Variants in NEMP2 observed in about 807,000 individuals in gnomAD.
NEMP2 encodes the protein nuclear envelope integral membrane protein 2.
A neutral mutation model predicts 54.2 loss-of-function variants in NEMP2; 53 were observed. The observed-to-expected ratio is 0.98, with a 90% CI of 0.78 to 1.23. The LOEUF (loss-of-function observed/expected upper bound fraction) is 1.23. NEMP2 is among the 50% of genes most tolerant of loss of function. The probability of loss-of-function intolerance (pLI) is 0.00; values close to 1 mark genes in which losing one functional copy is unlikely to be tolerated. For missense variants in NEMP2, 455 were observed against 511.3 expected, an observed-to-expected ratio of 0.89 and a Z score of 1.06; for synonymous variants, 197 against 190.3, an observed-to-expected ratio of 1.04 and a Z score of -0.29.
At chr2:190,434,182 C>CA in the NEMP2 span, among the ~76,000 whole-genome samples, 91,150 of 129,550 alleles carry the variant, frequency 0.7, 31,151 homozygotes, top group Admixed American at 0.78. The surrounding 1 kb of genome is among the most constrained non-coding windows in gnomAD (Gnocchi z 4.3). Flanking sequence ...CCCTGTCTCT[C>CA]AAAAAAAAAA....
the NEMP2 span, among the ~76,000 whole-genome samples, chr2:190,477,653 A>G: frequency 2.6e-5 from 4 of 152,344 alleles, 1 homozygote; most frequent in Non-Finnish European, 1.5e-5. Context: ...GGGTGCTGAG[A>G]ATGTAATAAA....
At chr2:190,511,315 T>C (rs891934519) in intron 7 of NEMP2, among the ~76,000 whole-genome samples, 5 of 152,040 alleles carry the variant, frequency 3.3e-5, no homozygotes, top group African/African-American at 9.7e-5. Context: ...TTCCACCTAG[T>C]GGTGGTGATT....
At chr2:190,470,565 A>G in the NEMP2 span, among the ~76,000 whole-genome samples, 1 of 152,252 alleles carries the variant, frequency 6.6e-6, no homozygotes, top group African/African-American at 2.4e-5. Context: ...GGTTCAGGAC[A>G]AGATCGCTGG....
the NEMP2 span, among the ~76,000 whole-genome samples, chr2:190,614,634 G>A: frequency 1.9e-4 from 29 of 152,274 alleles, no homozygotes; most frequent in African/African-American, 6.3e-4. The surrounding 1 kb of genome is among the most constrained non-coding windows in gnomAD (Gnocchi z 5.7). Context: ...TCAAGTTTAC[G>A]TGATATGAAA....
At chr2:190,511,533 T>A (rs1690364032) in intron 7 of NEMP2, among the ~76,000 whole-genome samples, 1 of 151,074 alleles carries the variant, frequency 6.6e-6, no homozygotes, top group Non-Finnish European at 1.5e-5. Flanking sequence ...TTGTTTTATT[T>A]ATTTTTTAAA....
the NEMP2 span, among the ~76,000 whole-genome samples, chr2:190,429,412 G>A: frequency 3.3e-5 from 5 of 150,644 alleles, no homozygotes; most frequent in African/African-American, 4.9e-5. Flanking sequence ...TGCAACCTCC[G>A]TCTCCTGGGT....
the NEMP2 span, among the ~76,000 whole-genome samples, chr2:190,475,290 T>C: frequency 6.6e-6 from 1 of 152,202 alleles, no homozygotes; most frequent in Non-Finnish European, 1.5e-5. Context: ...TGTTTGCAGA[T>C]GACATGATTG....
the NEMP2 span, among the ~76,000 whole-genome samples, chr2:190,492,255 T>C: frequency 1.3e-5 from 2 of 152,172 alleles, no homozygotes; most frequent in Non-Finnish European, 2.9e-5. This position sits in a 1 kb window ranked among gnomAD's most constrained non-coding sequence, Gnocchi z 5.2. Flanking sequence ...CAAGGAAAAC[T>C]TGCTAGAGAC....
the NEMP2 span, among the ~76,000 whole-genome samples, chr2:190,543,471 G>A: frequency 6.6e-6 from 1 of 152,168 alleles, no homozygotes; most frequent in Non-Finnish European, 1.5e-5. This position sits in a 1 kb window ranked among gnomAD's most constrained non-coding sequence, Gnocchi z 4.7. Flanking sequence ...GGGTTCCCTG[G>A]CAGGAGTCCT....
chr2:190,440,294 C>CAGT, the NEMP2 span, among the ~76,000 whole-genome samples: 1 of 152,224 alleles, frequency 6.6e-6, no homozygotes, highest in African/African-American at 2.4e-5. Flanking sequence ...TTCTCAGGGA[C>CAGT]TGACCTGTCA....
chr2:190,489,620 A>G, the NEMP2 span: 38 of 668,450 alleles, frequency 5.7e-5, no homozygotes, highest in African/African-American at 9.1e-5. The surrounding 1 kb of genome is among the most constrained non-coding windows in gnomAD (Gnocchi z 6.6). Flanking sequence ...GTGTTTTTCC[A>G]TTATGTGGAG....
At chr2:190,607,369 G>A in the NEMP2 span, among the ~76,000 whole-genome samples, 350 of 152,262 alleles carry the variant, frequency 2.3e-3, 5 homozygotes, top group African/African-American at 7.9e-3. This position sits in a 1 kb window ranked among gnomAD's most constrained non-coding sequence, Gnocchi z 5.2. Context: ...GCTCAACTGC[G>A]TTTGCATACT....
the NEMP2 span, chr2:190,629,655 A>T: frequency 2.0e-5 from 3 of 152,234 alleles, no homozygotes; most frequent in Non-Finnish European, 4.4e-5. Flanking sequence ...TTTGTGAGTT[A>T]AAACTCATCT....
rs569075366 is a variant in NEMP2 at position 190,528,399 on chromosome 2, C to A, written c.98-3021G>T. Among the ~76,000 whole-genome samples, 23 of 152,246 alleles carry A rather than the reference C, an allele frequency of 1.5e-4. No individual in the cohort carries two copies. Among genetic ancestry groups the A allele is most frequent in the African/African-American group, 5.5e-4 (23 of 41,544 alleles). ...CTTTGCACAGCCTCCTCGGGGGGGT[C>A]TCTAAGCATGGCTAGAGTTAATAAC... On this transcript the variant is annotated intron_variant, in intron 1 of 8. Transcript: ENST00000409150. This position sits in a 1 kb window ranked among gnomAD's most constrained non-coding sequence, Gnocchi z 4.3.
the NEMP2 span, among the ~76,000 whole-genome samples, chr2:190,484,710 T>C: frequency 1.3e-5 from 2 of 152,232 alleles, no homozygotes. Flanking sequence ...ACACAGATGA[T>C]GTTCTAATTT....
the NEMP2 span, among the ~76,000 whole-genome samples, chr2:190,468,993 A>C: frequency 6.6e-6 from 1 of 152,130 alleles, no homozygotes. Flanking sequence ...TCCAGTTCAG[A>C]ACGAGAGACT....
At chr2:190,567,686 G>T in the NEMP2 span, among the ~76,000 whole-genome samples, 1 of 152,148 alleles carries the variant, frequency 6.6e-6, no homozygotes, top group Non-Finnish European at 1.5e-5. This position sits in a 1 kb window ranked among gnomAD's most constrained non-coding sequence, Gnocchi z 4.0. Context: ...GTCTCGCTCT[G>T]TCACCAGGCT....
the NEMP2 span, chr2:190,620,540 A>C: frequency 1.3e-5 from 2 of 152,222 alleles, no homozygotes; most frequent in Non-Finnish European, 2.9e-5. This position sits in a 1 kb window ranked among gnomAD's most constrained non-coding sequence, Gnocchi z 4.9. Context: ...TCCCAAATGA[A>C]CTTTCAGATC....
At chr2:190,614,629 T>A in the NEMP2 span, among the ~76,000 whole-genome samples, 1 of 152,144 alleles carries the variant, frequency 6.6e-6, no homozygotes, top group East Asian at 1.9e-4. This position sits in a 1 kb window ranked among gnomAD's most constrained non-coding sequence, Gnocchi z 5.7. Context: ...CATTTTCAAG[T>A]TTACGTGATA....
Sources: gnomAD v4.1 joint callset for allele counts (sites outside exome capture counted in the v4.1 genomes callset) on GRCh38, gnomAD v4.1.1 for gene constraint, Gnocchi (gnomAD v3.1) non-coding constraint, MANE v1.5 for transcripts, NCBI Gene and HGNC (gene_info 2026-07-23, HGNC 2026-07-21) for gene names.